Variants in ADAM18 observed in about 807,000 individuals in gnomAD.
ADAM18 encodes the protein disintegrin and metalloproteinase domain-containing protein 18.
In ADAM18, 117 loss-of-function variants were observed where a neutral mutation model predicts 94.4. That is an observed-to-expected ratio of 1.24 (90% CI 1.07 to 1.45). ADAM18 has a LOEUF of 1.45. Among genes scored for constraint, ADAM18 ranks in the 40% most tolerant of loss-of-function variants. ADAM18 has a pLI of 0.00. For synonymous variants in ADAM18, 327 were observed against 291.6 expected (o/e 1.12, Z -1.24); for missense variants, 936 against 880.0 (o/e 1.06, Z -0.81).
intron 5 of ADAM18, among the ~76,000 whole-genome samples, chr8:39,609,838 T>C (rs1166474360): frequency 6.6e-6 from 1 of 152,202 alleles, no homozygotes; most frequent in African/African-American, 2.4e-5. Context: ...ATTCTGCATC[T>C]GTTTTCTCAA....
chr8:39,723,483 T>C (rs2129581853), intron 18 of ADAM18, among the ~76,000 whole-genome samples: 1 of 151,754 alleles, frequency 6.6e-6, no homozygotes, highest in East Asian at 1.9e-4. Flanking sequence ...ACTTGTAAAG[T>C]ATTGATGTTA....
intron 18 of ADAM18, among the ~76,000 whole-genome samples, chr8:39,716,388 G>T (rs1365572240): frequency 6.6e-6 from 1 of 151,670 alleles, no homozygotes; most frequent in Non-Finnish European, 1.5e-5. Context: ...ATAATTTTTG[G>T]CATGTTGCAT....
In ADAM18 at chr8:39,723,855, A is replaced by G; in HGVS notation, c.2125A>G (p.Lys709Glu). The G allele has an allele frequency of 6.4e-7, 1 of 1,572,594 alleles. No homozygotes were observed. The highest frequency in any genetic ancestry group is 8.6e-7 in the Non-Finnish European group (1 of 1,158,068). ...CATAGTTTTCACCACTGTGATCTTTAAAAGAAATGAAATAAGTAAATCATG... is the reference window on the plus strand; with the variant it reads ...CATAGTTTTCACCACTGTGATCTTTGAAAGAAATGAAATAAGTAAATCATG... ...FFIVFTTVIF[K>E]RNEISKSCNR... Residue 709 changes from lysine to glutamate, a missense_variant, in exon 19 of 20, where the codon AAA becomes GAA. Coordinates refer to ENST00000265707, the MANE Select transcript of ADAM18 (RefSeq NM_014237.3).
chr8:39,689,262 G>A (rs1007352221), intron 16 of ADAM18, among the ~76,000 whole-genome samples: 5 of 152,090 alleles, frequency 3.3e-5, no homozygotes, highest in Non-Finnish European at 7.4e-5. Flanking sequence ...TTTGGCATCT[G>A]CATCATGAAA....
intron 14 of ADAM18, among the ~76,000 whole-genome samples, chr8:39,672,594 A>T (rs910968646): frequency 6.6e-6 from 1 of 152,174 alleles, no homozygotes; most frequent in East Asian, 1.9e-4. Context: ...TGTCTCAGTA[A>T]ATATCGCAAT....
intron 7 of ADAM18, among the ~76,000 whole-genome samples, chr8:39,636,521 T>C (rs919789576): frequency 6.6e-6 from 1 of 152,184 alleles, no homozygotes; most frequent in Admixed American, 6.6e-5. Flanking sequence ...CTTTCATTCC[T>C]GATGTTGGCA....
At chr8:39,712,630 G>C (rs1353097827) in intron 18 of ADAM18, among the ~76,000 whole-genome samples, 2 of 152,184 alleles carry the variant, frequency 1.3e-5, no homozygotes, top group Admixed American at 1.3e-4. Flanking sequence ...AAAATCACAA[G>C]CATTCCTATA....
chr8:39,652,531 A>C (rs989244419), intron 12 of ADAM18, among the ~76,000 whole-genome samples: 3 of 152,204 alleles, frequency 2.0e-5, no homozygotes, highest in African/African-American at 7.2e-5. Flanking sequence ...TCATCAAAAT[A>C]GATGAATGGT....
intron 18 of ADAM18, among the ~76,000 whole-genome samples, chr8:39,722,335 A>G (rs563562272): frequency 6.7e-6 from 1 of 149,476 alleles, no homozygotes; most frequent in African/African-American, 2.5e-5. Context: ...ATCATGGAAT[A>G]CTACTGAGCC....
At chr8:39,723,129 G>A (rs1822806313) in intron 18 of ADAM18, among the ~76,000 whole-genome samples, 1 of 150,868 alleles carries the variant, frequency 6.6e-6, no homozygotes, top group Non-Finnish European at 1.5e-5. Context: ...TTTACATATT[G>A]TATACTTCTC....
Position 39,610,619 on chromosome 8 carries a change from T to C in ADAM18, c.435T>C (p.Asn145=). The change falls in exon 6 of 20, where the codon AAT becomes AAC. Residue 145 remains asparagine, a synonymous_variant. Coordinates refer to ENST00000265707, the MANE Select transcript of ADAM18 (RefSeq NM_014237.3). ...AGCATATAATTTATCAAATGAAAAA[T>C]AATGATCCAAATGTATCCATTTTAG... The part of the protein sequence containing the change: ...RFEHIIYQMK[N]NDPNVSILAV... 6.2e-7 allele frequency: 1 copy of C among 1,612,950 alleles called. No homozygotes were observed. Among genetic ancestry groups the C allele is most frequent in the South Asian group, 1.1e-5 (1 of 90,994 alleles).
chr8:39,584,771 C>T (rs2129457829), intron 1 of ADAM18, 94 bp downstream of exon 1: 25 of 1,444,380 alleles, frequency 1.7e-5, no homozygotes, highest in Non-Finnish European at 2.3e-5. Flanking sequence ...GGACCCTCCC[C>T]CTCTCCCTTC....
intron 18 of ADAM18, among the ~76,000 whole-genome samples, chr8:39,707,944 G>A (rs1404350809): frequency 1.3e-5 from 2 of 152,018 alleles, no homozygotes; most frequent in African/African-American, 4.8e-5. Context: ...GTAAAATAAG[G>A]GTGATTTGAA....
At chr8:39,672,139 A>T (rs1821174686) in intron 14 of ADAM18, among the ~76,000 whole-genome samples, 2 of 152,214 alleles carry the variant, frequency 1.3e-5, no homozygotes, top group Admixed American at 1.3e-4. Flanking sequence ...TGGAAAAAAG[A>T]AGAAAAAGGC....
At position 39,637,667 on chromosome 8, in the gene ADAM18, T is replaced by A; in HGVS notation, c.791T>A (p.Leu264His). 1 of 1,612,082 alleles carries A rather than the reference T, an allele frequency of 6.2e-7. No individual in the cohort carries two copies. The highest frequency in any genetic ancestry group is 8.5e-7 in the Non-Finnish European group (1 of 1,178,882). ...QRFLAWKRDYLILRPHDIAYL... is the reference protein window; with the variant it reads ...QRFLAWKRDYHILRPHDIAYL... ...TTTTTGGCATGGAAACGGGACTATCTCATCCTACGGCCCCATGACATAGCA... is the reference window on the plus strand; with the variant it reads ...TTTTTGGCATGGAAACGGGACTATCACATCCTACGGCCCCATGACATAGCA... The change falls in exon 9 of 20, where the codon CTC becomes CAC. Residue 264 changes from leucine (L) to histidine (H), a missense_variant. Coordinates refer to ENST00000265707, the MANE Select transcript of ADAM18 (RefSeq NM_014237.3).
In ADAM18 at chr8:39,609,493, C is replaced by T. The variant is rs377496423; in HGVS notation, c.276C>T (p.Cys92=). The change falls in exon 5 of 20, where the codon TGC becomes TGT. Residue 92 remains cysteine, a synonymous_variant. Coordinates refer to ENST00000265707, the MANE Select transcript of ADAM18 (RefSeq NM_014237.3). ...TCTATACTGTTTTTCAGATGCATTG[C>T]CATTACCAAGGATATGCTGCCGAAT... The part of the protein sequence containing the change: ...HSVSPYFMMH[C]HYQGYAAEFP... The T allele has an allele frequency of 7.5e-6, 12 of 1,610,134 alleles. No homozygotes were observed. The highest frequency in any genetic ancestry group is 1.6e-4 in the Middle Eastern group (1 of 6,066).
At chr8:39,637,408 A>G in intron 8 of ADAM18, 73 bp downstream of exon 8, 1 of 1,468,738 alleles carries the variant, frequency 6.8e-7, no homozygotes, top group Non-Finnish European at 9.3e-7. Flanking sequence ...TATCTTGGCC[A>G]ATGAATAACT....
chr8:39,670,617 A>G (rs1370439391), intron 14 of ADAM18, among the ~76,000 whole-genome samples: 2 of 152,250 alleles, frequency 1.3e-5, no homozygotes, highest in African/African-American at 4.8e-5. Flanking sequence ...CCAGATGGAC[A>G]TTGCCATATG....
intron 19 of ADAM18, 89 bp downstream of exon 19, chr8:39,723,996 A>T (rs1052842548): frequency 1.3e-6 from 1 of 777,390 alleles, no homozygotes; most frequent in Non-Finnish European, 1.8e-6. Flanking sequence ...TGTTATATTA[A>T]TTCTTAAATA....
Sources: gnomAD v4.1 joint callset for allele counts (sites outside exome capture counted in the v4.1 genomes callset) on GRCh38, gnomAD v4.1.1 for gene constraint, MANE v1.5 for transcripts, NCBI Gene and HGNC (gene_info 2026-07-23, HGNC 2026-07-21) for gene names.